The following TACC2 variants were observed in gnomAD, a reference collection of about 807,000 sequenced individuals.
The protein encoded by TACC2 is transforming acidic coiled-coil containing protein 2.
A neutral mutation model predicts 227.3 loss-of-function variants in TACC2; 137 were observed. The observed-to-expected ratio is 0.60, with a 90% CI of 0.52 to 0.69. The LOEUF (loss-of-function observed/expected upper bound fraction) is 0.69. Ranked by LOEUF, TACC2 falls within the 30% of genes least tolerant of loss-of-function variation. The pLI is 0.00. For missense variants in TACC2, 3,470 were observed against 3,694.4 expected (o/e 0.94, Z 1.57); for synonymous variants, 1,523 against 1,487.5 (o/e 1.02, Z -0.55).
At chr10:121,991,738 A>G (rs1387855329) in intron 1 of TACC2, among the ~76,000 whole-genome samples, 5 of 152,322 alleles carry the variant, frequency 3.3e-5, no homozygotes, top group East Asian at 3.9e-4. Context: ...AGTGTAATTT[A>G]AAACTTTTTT....
rs61230073 is a variant in TACC2 at position 122,008,268 on chromosome 10, T to TATTTTA, written c.-45-13669_-45-13668insATTTTA. 6.0e-4 allele frequency among the ~76,000 whole-genome samples: 90 copies of TATTTTA among 149,912 alleles called. 1 individual carries two copies. The highest frequency in any genetic ancestry group is 1.7e-3 in the African/African-American group (69 of 41,080). ...TTTGTTATTATTATTATTATTATTTTTTTTTTTTGAGACAGAATTTTGCTC... is the reference window on the plus strand; with the variant it reads ...TTTGTTATTATTATTATTATTATTTTATTTTATTTTTTTTGAGACAGAATTTTGCTC... On this transcript the variant is annotated intron_variant, in intron 1 of 22. Coordinates refer to ENST00000369005, the MANE Select transcript of TACC2 (RefSeq NM_206862.4).
At chr10:122,082,328 C>G (rs1327098235) in intron 3 of TACC2, among the ~76,000 whole-genome samples, 3 of 152,118 alleles carry the variant, frequency 2.0e-5, no homozygotes, top group African/African-American at 7.2e-5. Context: ...ACAAACAAAA[C>G]CTTTTTGGGT....
intron 1 of TACC2, among the ~76,000 whole-genome samples, chr10:122,021,352 C>T (rs1957326093): frequency 6.6e-6 from 1 of 152,122 alleles, no homozygotes; most frequent in African/African-American, 2.4e-5. Flanking sequence ...GTCCCAATCT[C>T]CCATTTTCCT....
In TACC2 at chr10:122,043,240, C is replaced by T. The variant is rs190818318; in HGVS notation, c.34-7198C>T. 7.9e-5 allele frequency among the ~76,000 whole-genome samples: 12 copies of T among 152,300 alleles called. No homozygotes were observed. The East Asian group carries it at 1.2e-3, about 15-fold the overall frequency. Reference sequence around the variant, plus strand: ...TTTGAAGCCTTTAGTCTGCCACCTACAAACTACAGACATCAGAACATGTCA... The same window carrying T: ...TTTGAAGCCTTTAGTCTGCCACCTATAAACTACAGACATCAGAACATGTCA... On this transcript the variant is annotated intron_variant, in intron 2 of 22. Coordinates refer to ENST00000369005, the MANE Select transcript of TACC2 (RefSeq NM_206862.4).
intron 1 of TACC2, 85 bp from the exon 2 acceptor site, chr10:122,021,852 T>G: frequency 1.3e-6 from 1 of 748,442 alleles, no homozygotes; most frequent in Admixed American, 2.4e-5. Context: ...TCATCTGGCT[T>G]TTGAGTTTGG....
At chr10:122,131,822 G>GACCA (rs1211658980) in intron 5 of TACC2, among the ~76,000 whole-genome samples, 8 of 151,984 alleles carry the variant, frequency 5.3e-5, no homozygotes, top group Admixed American at 5.2e-4. Flanking sequence ...AGGAGTTTGA[G>GACCA]ACCAGCCTGG....
At chr10:122,016,515 C>T (rs990704543) in intron 1 of TACC2, among the ~76,000 whole-genome samples, 3 of 149,852 alleles carry the variant, frequency 2.0e-5, no homozygotes, top group African/African-American at 4.9e-5. Context: ...TGCAGTGAGC[C>T]GAGATTGCAC....
chr10:122,061,699 C>G (rs1439800680), intron 3 of TACC2, among the ~76,000 whole-genome samples: 2 of 152,158 alleles, frequency 1.3e-5, no homozygotes, highest in South Asian at 2.1e-4. Flanking sequence ...AAGCTCTGGG[C>G]TGGACCAGAG....
At chr10:122,120,137 G>T (rs1056091742) in intron 5 of TACC2, among the ~76,000 whole-genome samples, 1 of 152,042 alleles carries the variant, frequency 6.6e-6, no homozygotes, top group East Asian at 1.9e-4. Flanking sequence ...CCTGCAACTC[G>T]CCCGTCCTCA....
intron 1 of TACC2, among the ~76,000 whole-genome samples, chr10:121,992,061 G>C (rs1420069933): frequency 6.6e-6 from 1 of 152,202 alleles, no homozygotes; most frequent in African/African-American, 2.4e-5. Context: ...GGTCCTTCCT[G>C]CAACAAGTGG....
intron 1 of TACC2, among the ~76,000 whole-genome samples, chr10:122,015,781 G>GT (rs1554961896): frequency 1.7e-5 from 1 of 58,038 alleles, no homozygotes; most frequent in Non-Finnish European, 4.1e-5. Flanking sequence ...GAACCCGGGA[G>GT]GGGGAGGTTG....
chr10:122,225,107 C>T lies in TACC2; in HGVS notation c.7608+320C>T, dbSNP rs1242334941. 4.0e-5 allele frequency among the ~76,000 whole-genome samples: 6 copies of T among 150,144 alleles called. No homozygotes were observed. In the South Asian group the frequency reaches 8.4e-4, roughly 21 times the overall value. On this transcript the variant is annotated intron_variant, in intron 12 of 22. Coordinates refer to ENST00000369005, the MANE Select transcript of TACC2 (RefSeq NM_206862.4). ...AGGTGGTGATGGTTTTTCAGGTATA[C>T]GATTAGCTGTTTTTGAGAAATTGTT...
chr10:122,058,629 T>G (rs2459094), intron 3 of TACC2, among the ~76,000 whole-genome samples: 88,050 of 151,884 alleles, frequency 0.58, 26,223 homozygotes, highest in Non-Finnish European at 0.65. Context: ...GAATGGTCTC[T>G]ATCTCTTGAC....
chr10:122,227,769 C>T lies in TACC2; in HGVS notation c.7725-68C>T, dbSNP rs1010773571. On this transcript the variant is annotated intron_variant, in intron 13 of 22. Transcript: ENST00000369005. ...CCTTGTGATATTGACTTGGTCAGGGCATCCTGGTTGATTTCAGTGGGTTTC... is the reference window on the plus strand; with the variant it reads ...CCTTGTGATATTGACTTGGTCAGGGTATCCTGGTTGATTTCAGTGGGTTTC... The T allele has an allele frequency of 3.8e-5, 57 of 1,510,702 alleles. No homozygotes were observed. In the African/African-American group the frequency reaches 7.5e-4, roughly 20 times the overall value. 93.6% of individuals were successfully genotyped at this position (1,510,702 alleles called of 1,614,324 possible). A position where few individuals can be genotyped will look rare whatever the true frequency, so the allele number is the denominator to read the frequency against.
intron 3 of TACC2, among the ~76,000 whole-genome samples, chr10:122,063,007 G>A (rs1348256517): frequency 3.3e-5 from 5 of 152,148 alleles, no homozygotes; most frequent in Admixed American, 6.5e-5. Flanking sequence ...GTGGCAGGGC[G>A]GGGACTAGAA....
intron 3 of TACC2, among the ~76,000 whole-genome samples, chr10:122,080,431 G>A (rs371663694): frequency 9.9e-5 from 15 of 151,770 alleles, no homozygotes; most frequent in South Asian, 4.2e-4. Context: ...ATGGAGTTTC[G>A]CCATGTTGCC....
chr10:122,105,948 G>C (rs61874295), intron 5 of TACC2, among the ~76,000 whole-genome samples: 374 of 81,000 alleles, frequency 4.6e-3, no homozygotes, highest in Middle Eastern at 0.016. Context: ...CTCTCTCTGT[G>C]TGTGTGTGTG....
chr10:122,004,857 T>A (rs1345513760), intron 1 of TACC2, among the ~76,000 whole-genome samples: 2 of 152,182 alleles, frequency 1.3e-5, no homozygotes, highest in Admixed American at 1.3e-4. Context: ...CACTTACAAT[T>A]ATTATTATTT....
chr10:122,028,334 C>T (rs1270054372), intron 2 of TACC2, among the ~76,000 whole-genome samples: 3 of 152,052 alleles, frequency 2.0e-5, no homozygotes, highest in African/African-American at 7.2e-5. Context: ...AGGTGATCAG[C>T]CTGTCTCGGC....
Sources: gnomAD v4.1 joint callset for allele counts (sites outside exome capture counted in the v4.1 genomes callset) on GRCh38, gnomAD v4.1.1 for gene constraint, MANE v1.5 for transcripts, NCBI Gene and HGNC (gene_info 2026-07-23, HGNC 2026-07-21) for gene names.